CEP192: variants seen among roughly 807,000 people sequenced by gnomAD.
CEP192 encodes centrosomal protein 192.
Under a neutral mutation model 271.8 loss-of-function variants are expected in CEP192, and 151 were observed. That is an observed-to-expected ratio of 0.56 (90% CI 0.49 to 0.64). The LOEUF (loss-of-function observed/expected upper bound fraction) is 0.64. Among genes scored for constraint, CEP192 ranks in the 30% least tolerant of loss-of-function variants. The pLI is 0.00. For synonymous variants in CEP192, 995 were observed against 1,076.5 expected, an observed-to-expected ratio of 0.92 and a Z score of 1.48; for missense variants, 2,910 against 3,020.5, an observed-to-expected ratio of 0.96 and a Z score of 0.86.
At chr18:12,992,184 G>C (rs1468677371) in intron 1 of CEP192, among the ~76,000 whole-genome samples, 1 of 152,036 alleles carries the variant, frequency 6.6e-6, no homozygotes, top group Non-Finnish European at 1.5e-5. Context: ...ACTATTTTGA[G>C]GTCATTCGAC....
intron 1 of CEP192, among the ~76,000 whole-genome samples, chr18:12,995,053 A>ATTT (rs139962686): frequency 6.8e-5 from 6 of 88,244 alleles, no homozygotes; most frequent in Non-Finnish European, 1.0e-4. Flanking sequence ...CATGGGAGGA[A>ATTT]TTTTTTTTTT....
intron 39 of CEP192, among the ~76,000 whole-genome samples, chr18:13,104,471 T>C (rs1344330694): frequency 6.6e-6 from 1 of 152,126 alleles, no homozygotes; most frequent in African/African-American, 2.4e-5. Context: ...AAAAAGAGTT[T>C]CTGGACCTAC....
intron 2 of CEP192, 60 bp from the exon 3 acceptor site, chr18:13,001,397 A>G (rs756777298): frequency 5.6e-6 from 7 of 1,243,602 alleles, no homozygotes; most frequent in African/African-American, 1.5e-5. Context: ...CTATGTCATG[A>G]TGACATTTAA....
intron 30 of CEP192, among the ~76,000 whole-genome samples, chr18:13,086,364 C>T (rs560495137): frequency 5.3e-5 from 8 of 152,318 alleles, no homozygotes; most frequent in East Asian, 1.9e-4. Flanking sequence ...TATTTGAAGA[C>T]GCTTTATTTC....
chr18:13,088,710 C>G (rs971235658), intron 32 of CEP192: 1 of 244,636 alleles, frequency 4.1e-6, no homozygotes, highest in Admixed American at 4.7e-5. Context: ...GTTTTTTATT[C>G]TAATACAGAA....
rs563718660 is a variant in CEP192 at position 13,102,509 on chromosome 18, A to C, written c.6872-1000A>C. Among the ~76,000 whole-genome samples the C allele has an allele frequency of 3.4e-4, 52 of 152,106 alleles. 1 individual carries two copies. The highest frequency in any genetic ancestry group is 5.0e-4 in the Non-Finnish European group (34 of 67,974). The stretch of plus-strand genomic sequence containing the variant: ...AGCAGCCCCCTGCCCTCACTTCCTT[A>C]GGCCATGGCTGCTGTCACCTCATGC... On this transcript the variant is annotated intron_variant, in intron 38 of 44. Transcript: ENST00000506447.
chr18:13,029,618 GAC>G, intron 9 of CEP192, 43 bp from the exon 10 acceptor site: 3 of 1,162,650 alleles, frequency 2.6e-6, no homozygotes, highest in Non-Finnish European at 3.6e-6. Flanking sequence ...TAAAAAACAA[GAC>G]TTACTGTTGC....
At chr18:13,121,393 A>T (rs567680417) in intron 44 of CEP192, among the ~76,000 whole-genome samples, 1 of 152,322 alleles carries the variant, frequency 6.6e-6, no homozygotes, top group South Asian at 2.1e-4. Context: ...CTGCTCTCCG[A>T]AAGCTCCAGC....
chr18:13,062,598 A>G (rs1204160254), intron 21 of CEP192, among the ~76,000 whole-genome samples: 1 of 151,884 alleles, frequency 6.6e-6, no homozygotes, highest in African/African-American at 2.4e-5. Flanking sequence ...TTTATTTAAA[A>G]AATTTTTTGT....
intron 39 of CEP192, 111 bp downstream of exon 39, chr18:13,103,699 G>A: frequency 1.1e-6 from 1 of 921,882 alleles, no homozygotes; most frequent in East Asian, 2.4e-5. Context: ...TTGCTTGTTT[G>A]TTTTCTGAGA....
intron 3 of CEP192, 105 bp downstream of exon 3, chr18:13,001,687 C>CA: frequency 8.8e-7 from 1 of 1,141,886 alleles, no homozygotes; most frequent in Non-Finnish European, 1.2e-6. Context: ...CTGATTAATT[C>CA]TAAGAATCTT....
chr18:12,995,597 CA>C (rs1323059813), intron 1 of CEP192, among the ~76,000 whole-genome samples: 1 of 152,156 alleles, frequency 6.6e-6, no homozygotes, highest in African/African-American at 2.4e-5. Context: ...ACCAAATGGG[CA>C]AAGTTCCTGC....
rs749862179 is a variant in CEP192, at chr18:13,095,511, G to A, written c.6263G>A (p.Gly2088Glu). 10 of 1,604,782 alleles carry A rather than the reference G, an allele frequency of 6.2e-6. No homozygotes were observed. Among genetic ancestry groups the A allele is most frequent in the Non-Finnish European group, 8.5e-6 (10 of 1,176,834 alleles). The change falls in exon 35 of 45, where the codon GGA becomes GAA. Residue 2088 changes from glycine (G) to glutamate (E), a missense_variant. Transcript: ENST00000506447. ...TTTAAATAATTTTTTAGCGACTTGG[G>A]AGCTTCTGGGAAACATGGTGGCAAC... ...KASLESTSDL[G>E]ASGKHGGNVS...
rs900002361 is a variant in CEP192 at position 13,071,084 on chromosome 18, A to G, written c.5220A>G (p.Val1740=). 15 of 1,613,744 alleles carry G rather than the reference A, an allele frequency of 9.3e-6. No homozygotes were observed. The highest frequency in any genetic ancestry group is 1.3e-5 in the Non-Finnish European group (15 of 1,179,694). The change falls in exon 28 of 45, where the codon GTA becomes GTG. Residue 1740 remains valine (V), a synonymous_variant. Coordinates refer to ENST00000506447, the MANE Select transcript of CEP192 (RefSeq NM_032142.4). ...FVQPFGPQYE[V]VLKGEVISSG... ...AGCCATTTGGACCTCAGTATGAGGT[A>G]GTGTTAAAAGGCGAAGTCATTTCTT...
In CEP192 at chr18:13,053,039, A is replaced by G. The variant is rs1338730521; in HGVS notation, c.3138A>G (p.Pro1046=). The change falls in exon 18 of 45, where the codon CCA becomes CCG. Residue 1046 remains proline, a synonymous_variant. Coordinates refer to ENST00000506447, the MANE Select transcript of CEP192 (RefSeq NM_032142.4). ...GCAGGCTGACGTATGTGTCTGAACC[A>G]GAGAGCTCCTATCCTACCACAGCCA... ...GVSRLTYVSE[P]ESSYPTTATD... 1.2e-6 allele frequency: 2 copies of G among 1,613,826 alleles called. No individual in the cohort carries two copies. The highest frequency in any genetic ancestry group is 2.2e-5 in the South Asian group (2 of 91,058).
intron 3 of CEP192, 63 bp from the exon 4 acceptor site, chr18:13,008,393 T>C (rs138354365): frequency 8.9e-7 from 1 of 1,124,414 alleles, no homozygotes; most frequent in East Asian, 2.6e-5. Flanking sequence ...GATTAATAAA[T>C]ATTTTGTAGA....
At chr18:13,071,992 A>G (rs902364021) in intron 28 of CEP192, among the ~76,000 whole-genome samples, 64 of 152,238 alleles carry the variant, frequency 4.2e-4, no homozygotes, top group African/African-American at 1.4e-3. Context: ...TGAAAACTTT[A>G]CAAAATAATG....
Position 13,103,493 on chromosome 18 carries a change from T to C in CEP192, c.6872-16T>C, listed in dbSNP as rs775634429. On this transcript the variant is annotated splice_polypyrimidine_tract_variant and intron_variant, in intron 38 of 44. Transcript: ENST00000506447. ...GTCTCTCCGAGTTTGAGTTATGATA[T>C]ATGTGTTCCTTTTAGAGAGCTGTCT... is the stretch of plus-strand genomic sequence containing the variant. 6.2e-7 allele frequency: 1 copy of C among 1,603,780 alleles called. No homozygotes were observed. The highest frequency in any genetic ancestry group is 8.5e-7 in the Non-Finnish European group (1 of 1,170,712).
intron 39 of CEP192, 145 bp downstream of exon 39, chr18:13,103,733 C>A: frequency 1.4e-6 from 1 of 712,412 alleles, no homozygotes; most frequent in East Asian, 2.8e-5. Flanking sequence ...CTCTGTCGCC[C>A]AGGCTGGAGT....
Sources: gnomAD v4.1 joint callset for allele counts (sites outside exome capture counted in the v4.1 genomes callset) on GRCh38, gnomAD v4.1.1 for gene constraint, MANE v1.5 for transcripts, NCBI Gene and HGNC (gene_info 2026-07-23, HGNC 2026-07-21) for gene names.